Variants in KIAA1217 observed in about 807,000 individuals in gnomAD.
The protein encoded by KIAA1217 is KIAA1217, also known as sickle tail protein homolog.
In KIAA1217, 88 loss-of-function variants were observed where a neutral mutation model predicts 163.9. The observed-to-expected ratio is 0.54, with a 90% CI of 0.45 to 0.64. The LOEUF is 0.64. Ranked by LOEUF, KIAA1217 falls within the 30% of genes least tolerant of loss-of-function variation. The pLI is 0.00. For synonymous variants in KIAA1217, 903 were observed against 923.1 expected (o/e 0.98, Z 0.39); for missense variants, 2,372 against 2,475.0 (o/e 0.96, Z 0.88).
rs954187977 is a variant in KIAA1217, at chr10:23,981,287, A to T, written c.-320-25938A>T. ...TTTAGATAAATCTTCATTTTAAAAG[A>T]TATTTTCCTGAAATAGCTGCTTTGA... On this transcript the variant is annotated intron_variant, in intron 1 of 18. Coordinates refer to the KIAA1217 transcript ENST00000376462. 9.8e-5 allele frequency among the ~76,000 whole-genome samples: 15 copies of T among 152,346 alleles called. No individual in the cohort carries two copies. In the South Asian group the frequency reaches 2.1e-3, roughly 21 times the overall value.
chr10:24,071,101 A>G (rs2061171040), intron 2 of KIAA1217, among the ~76,000 whole-genome samples: 1 of 152,288 alleles, frequency 6.6e-6, no homozygotes, highest in East Asian at 1.9e-4. Context: ...GAGAATAAGA[A>G]CTTCCCTTAA....
chr10:24,468,298 T>C (rs1261808111), intron 5 of KIAA1217, among the ~76,000 whole-genome samples: 1 of 152,206 alleles, frequency 6.6e-6, no homozygotes, highest in Non-Finnish European at 1.5e-5. Context: ...TTCATTCTAG[T>C]TGTGGTTTTA....
intron 1 of KIAA1217, among the ~76,000 whole-genome samples, chr10:23,899,692 G>A (rs756931761): frequency 1.4e-4 from 22 of 151,992 alleles, no homozygotes; most frequent in Non-Finnish European, 1.2e-4. Flanking sequence ...AAGGTATCAT[G>A]CGGTCCATAG....
chr10:24,149,484 C>A (rs561966568), intron 2 of KIAA1217, among the ~76,000 whole-genome samples: 1 of 151,026 alleles, frequency 6.6e-6, no homozygotes, highest in South Asian at 2.1e-4. Flanking sequence ...ATGCCTGGCC[C>A]TATTTTTTTT....
intron 1 of KIAA1217, among the ~76,000 whole-genome samples, chr10:23,773,466 G>A (rs1479584705): frequency 6.6e-6 from 1 of 151,538 alleles, no homozygotes; most frequent in Non-Finnish European, 1.5e-5. Context: ...GGTTCCATAT[G>A]AACTTTAAAG....
At chr10:24,490,673 G>A (rs1014387056) in intron 6 of KIAA1217, among the ~76,000 whole-genome samples, 5 of 152,198 alleles carry the variant, frequency 3.3e-5, no homozygotes, top group African/African-American at 1.2e-4. Flanking sequence ...TTTTTGTGAA[G>A]TGGCTTTGGT....
At chr10:24,369,788 C>T (rs985623985) in intron 2 of KIAA1217, among the ~76,000 whole-genome samples, 8 of 152,202 alleles carry the variant, frequency 5.3e-5, no homozygotes, top group Non-Finnish European at 1.2e-4. Context: ...TTTTAAAGTG[C>T]ATTCCTGACT....
At position 24,429,857 on chromosome 10, in the gene KIAA1217, G is replaced by T. The variant is rs374721659; in HGVS notation, c.554-3138G>T. ...GAATATGACCCTCAAAAATCTGTTT[G>T]TCAGGCCAGACATGGTAGCTCATGG... On this transcript the variant is annotated intron_variant, in intron 3 of 20. Transcript: ENST00000376454. Among the ~76,000 whole-genome samples the T allele has an allele frequency of 2.1e-4, 32 of 152,250 alleles. No individual in the cohort carries two copies. The South Asian group carries it at 5.8e-3, about 28-fold the overall frequency.
chr10:23,860,481 A>G (rs1839899953), intron 1 of KIAA1217, among the ~76,000 whole-genome samples: 1 of 152,226 alleles, frequency 6.6e-6, no homozygotes, highest in Non-Finnish European at 1.5e-5. Flanking sequence ...ACAATATTAT[A>G]CATTGTAATG....
intron 1 of KIAA1217, among the ~76,000 whole-genome samples, chr10:23,769,190 T>C (rs898809037): frequency 2.6e-5 from 4 of 151,872 alleles, no homozygotes; most frequent in African/African-American, 9.7e-5. Context: ...GAGTCACGAG[T>C]GCTGGTTGGT....
intron 2 of KIAA1217, among the ~76,000 whole-genome samples, chr10:24,066,095 C>T (rs1384960313): frequency 1.3e-5 from 2 of 152,110 alleles, no homozygotes; most frequent in Non-Finnish European, 2.9e-5. Context: ...ACTCTTTATC[C>T]AATTTGCCAG....
chr10:24,230,093 AT>A (rs963466137), intron 2 of KIAA1217, among the ~76,000 whole-genome samples: 92 of 152,026 alleles, frequency 6.1e-4, no homozygotes, highest in African/African-American at 2.0e-3. Context: ...CATGCTCAGT[AT>A]TTTTTTTAGC....
intron 2 of KIAA1217, among the ~76,000 whole-genome samples, chr10:24,266,972 C>T (rs781133976): frequency 9.9e-5 from 15 of 152,124 alleles, no homozygotes; most frequent in African/African-American, 1.4e-4. Context: ...TTGAAGTCAG[C>T]GAGACCACGA....
At chr10:24,356,736 A>G (rs904129521) in intron 2 of KIAA1217, among the ~76,000 whole-genome samples, 1 of 152,174 alleles carries the variant, frequency 6.6e-6, no homozygotes, top group Non-Finnish European at 1.5e-5. Context: ...CAATTCCACC[A>G]TGGGATGACA....
At chr10:24,176,864 T>C (rs1220312821) in intron 2 of KIAA1217, among the ~76,000 whole-genome samples, 2 of 151,790 alleles carry the variant, frequency 1.3e-5, no homozygotes, top group African/African-American at 4.9e-5. Context: ...TCCCGAGCCC[T>C]GCCCCACGGG....
chr10:24,404,062 A>G (rs569448237), intron 3 of KIAA1217, among the ~76,000 whole-genome samples: 123 of 152,240 alleles, frequency 8.1e-4, no homozygotes, highest in African/African-American at 2.8e-3. Context: ...GGCTCAGGTG[A>G]TCCTCCCACC....
chr10:23,776,973 A>G (rs1203841617), intron 1 of KIAA1217, among the ~76,000 whole-genome samples: 1 of 151,364 alleles, frequency 6.6e-6, no homozygotes, highest in African/African-American at 2.4e-5. Flanking sequence ...CATGAGCCAC[A>G]GGGCCCGGCT....
At chr10:23,792,239 T>G (rs1379456874) in intron 1 of KIAA1217, among the ~76,000 whole-genome samples, 1 of 152,216 alleles carries the variant, frequency 6.6e-6, no homozygotes, top group Non-Finnish European at 1.5e-5. Flanking sequence ...TTCCAGAATG[T>G]TCACGTGTAA....
At chr10:24,453,166 T>C (rs912376426) in intron 5 of KIAA1217, among the ~76,000 whole-genome samples, 1 of 152,246 alleles carries the variant, frequency 6.6e-6, no homozygotes, top group African/African-American at 2.4e-5. Flanking sequence ...CTTGTCTCTA[T>C]GCAGTGCCAT....
Sources: gnomAD v4.1 joint callset for allele counts (sites outside exome capture counted in the v4.1 genomes callset) on GRCh38, gnomAD v4.1.1 for gene constraint, MANE v1.5 for transcripts, NCBI Gene and HGNC (gene_info 2026-07-23, HGNC 2026-07-21) for gene names.